The following ZBTB3 variants were observed in gnomAD, a reference collection of about 807,000 sequenced individuals.
ZBTB3 encodes the protein zinc finger and BTB domain-containing protein 3.
Under a neutral mutation model 30.6 loss-of-function variants are expected in ZBTB3, and 15 were observed. That is an observed-to-expected ratio of 0.49 (90% CI 0.33 to 0.75). The LOEUF is 0.75. Among genes scored for constraint, ZBTB3 ranks in the 30% least tolerant of loss-of-function variants. The pLI is 0.02. For missense variants in ZBTB3, 599 were observed against 652.1 expected (o/e 0.92, Z 0.89); for synonymous variants, 258 against 261.7 (o/e 0.99, Z 0.14).
chr11:62,754,131 C>T lies in ZBTB3; in HGVS notation c.-219G>A, dbSNP rs893574057. 2 of 1,500,030 alleles carry T rather than the reference C, an allele frequency of 1.3e-6. No individual in the cohort carries two copies. The highest frequency in any genetic ancestry group is 1.4e-5 in the African/African-American group (1 of 72,732). 92.9% of individuals were successfully genotyped at this position (1,500,030 alleles called of 1,614,324 possible). On this transcript the variant is annotated 5_prime_UTR_variant, in exon 1 of 2. Transcript: ENST00000394807. ...CTAGCGGAGAAAGCTGATACCTCAC[C>T]CACCACCGAGCAGCCACAGGGCGAG...
chr11:62,753,608 G>T lies in ZBTB3; in HGVS notation c.57C>A (p.Ser19=), dbSNP rs1024704009. The change falls in exon 2 of 2, where the codon TCC becomes TCA. Residue 19 remains serine (S), a synonymous_variant. Transcript: ENST00000394807. ...CGGTGCAGTCACAAAGGAAACCCTG[G>T]GACCGCTGCTCCCGGAGGCTCTGCA... ...QLLQSLREQR[S]QGFLCDCTVM... 3 of 1,613,752 alleles carry T rather than the reference G, an allele frequency of 1.9e-6. No homozygotes were observed. Among genetic ancestry groups the T allele is most frequent in the South Asian group, 2.2e-5 (2 of 91,072 alleles).
rs2084015909 is a variant in ZBTB3 at position 62,751,933 on chromosome 11, T to C, written c.*157A>G. 2.8e-6 allele frequency: 2 copies of C among 705,692 alleles called. No individual in the cohort carries two copies. Among genetic ancestry groups the C allele is most frequent in the Non-Finnish European group, 4.4e-6 (2 of 456,062 alleles). The allele number at this position is 705,692 out of a possible 1,614,324, so 43.7% of individuals were successfully genotyped here. On this transcript the variant is annotated 3_prime_UTR_variant, in exon 2 of 2. Transcript: ENST00000394807. The stretch of plus-strand genomic sequence containing the variant: ...CTGGGTGACAGAGTGAGACTCTGTC[T>C]CAAAAAAATAAAAGATTAAAAAAAA...
In ZBTB3 at chr11:62,753,627, C is replaced by G; in HGVS notation, c.38G>C (p.Ser13Thr). 1 of 1,613,796 alleles carries G rather than the reference C, an allele frequency of 6.2e-7. No homozygotes were observed. Among genetic ancestry groups the G allele is most frequent in the Non-Finnish European group, 8.5e-7 (1 of 1,179,964 alleles). ...FPEHSQQLLQ[S>T]LREQRSQGFL... The stretch of plus-strand genomic sequence containing the variant: ...ACCCTGGGACCGCTGCTCCCGGAGG[C>G]TCTGCAGCAGCTGCTGACTGTGTTC... The change falls in exon 2 of 2, where the codon AGC becomes ACC. Residue 13 changes from serine (S) to threonine (T), a missense_variant. Coordinates refer to ENST00000394807, the MANE Select transcript of ZBTB3 (RefSeq NM_001370809.1).
rs1272749154 is a variant in ZBTB3, at chr11:62,752,206, C to A, written c.1459G>T (p.Val487Leu). 6.2e-7 allele frequency: 1 copy of A among 1,614,086 alleles called. No individual in the cohort carries two copies. The highest frequency in any genetic ancestry group is 8.5e-7 in the Non-Finnish European group (1 of 1,180,042). Residue 487 changes from valine (V) to leucine (L), a missense_variant, in exon 2 of 2, where the codon GTG becomes TTG. By Grantham distance (32) the Val-to-Leu change is conservative. Coordinates refer to ENST00000394807, the MANE Select transcript of ZBTB3 (RefSeq NM_001370809.1). The part of the protein sequence containing the change: ...LAKRSKPDPE[V>L]GPLLGVQPLP... The stretch of plus-strand genomic sequence containing the variant: ...GGCTGCACCCCTAGAAGGGGTCCCA[C>A]TTCTGGATCTGGTTTGCTGCGTTTG...
chr11:62,751,917 AGAGT>A lies in ZBTB3; in HGVS notation c.*169_*172del, dbSNP rs1404057339. 8.4e-6 allele frequency: 5 copies of A among 592,588 alleles called. No homozygotes were observed. The East Asian group carries it at 1.5e-4, about 18-fold the overall frequency. 36.7% of individuals were successfully genotyped at this position (592,588 alleles called of 1,614,324 possible). On this transcript the variant is annotated 3_prime_UTR_variant, in exon 2 of 2. Transcript: ENST00000394807. ...GCCACTGCACTCCAGTCTGGGTGAC[AGAGT>A]GAGACTCTGTCTCAAAAAAATAAAA...
Position 62,752,111 on chromosome 11 carries a change from C to A in ZBTB3, c.1554G>T (p.Leu518Phe). Residue 518 changes from leucine to phenylalanine, a missense_variant, in exon 2 of 2, where the codon TTG becomes TTT. Leu to Phe is a conservative substitution (Grantham distance 22). Transcript: ENST00000394807. ...SGGGPPKDFV[L>F]APKTNI ...TCCCTTAGATGTTAGTTTTTGGGGCCAATACAAAATCTTTAGGTGGCCCTC... is the reference window on the plus strand; with the variant it reads ...TCCCTTAGATGTTAGTTTTTGGGGCAAATACAAAATCTTTAGGTGGCCCTC... 6.2e-7 allele frequency: 1 copy of A among 1,610,390 alleles called. No homozygotes were observed. The highest frequency in any genetic ancestry group is 8.5e-7 in the Non-Finnish European group (1 of 1,177,716).
chr11:62,753,634 G>T lies in ZBTB3; in HGVS notation c.31C>A (p.Leu11Met), dbSNP rs1369988320. The change falls in exon 2 of 2, where the codon CTG (leucine) becomes ATG (methionine). Residue 11 changes from leucine to methionine, a missense_variant. Leu to Met is a conservative substitution (Grantham distance 15, BLOSUM62 2). Transcript: ENST00000394807. ...GACCGCTGCTCCCGGAGGCTCTGCA[G>T]CAGCTGCTGACTGTGTTCTGGGAAC... The part of the protein sequence containing the change: MEFPEHSQQL[L>M]QSLREQRSQG... 3.7e-6 allele frequency: 6 copies of T among 1,613,606 alleles called. No homozygotes were observed.
chr11:62,753,978 C>A lies in ZBTB3; in HGVS notation c.-66G>T, dbSNP rs755086140. Reference sequence around the variant, plus strand: ...TTGATGCCCACCCGGTAGCGTCCAACGGCTCCACGAAGTAGAGATCTTTTT... The same window carrying A: ...TTGATGCCCACCCGGTAGCGTCCAAAGGCTCCACGAAGTAGAGATCTTTTT... On this transcript the variant is annotated 5_prime_UTR_variant, in exon 1 of 2. Coordinates refer to ENST00000394807, the MANE Select transcript of ZBTB3 (RefSeq NM_001370809.1). The A allele has an allele frequency of 5.0e-6, 8 of 1,613,704 alleles. No homozygotes were observed. Among genetic ancestry groups the A allele is most frequent in the Non-Finnish European group, 6.8e-6 (8 of 1,179,882 alleles).
chr11:62,753,932 C>G, intron 1 of ZBTB3, 32 bp downstream of exon 1: 1 of 1,612,624 alleles, frequency 6.2e-7, no homozygotes, highest in Admixed American at 1.7e-5. Flanking sequence ...AAGTCCCGCC[C>G]CTTAGCCACC....
At position 62,752,217 on chromosome 11, in the gene ZBTB3, G is replaced by C. The variant is rs772012598; in HGVS notation, c.1448C>G (p.Pro483Arg). The change falls in exon 2 of 2, where the codon CCA becomes CGA. Residue 483 changes from proline (P) to arginine (R), a missense_variant. Pro to Arg is a moderately radical substitution (Grantham distance 103). Transcript: ENST00000394807. ...HNEDLAKRSKPDPEVGPLLGV... is the reference protein window; with the variant it reads ...HNEDLAKRSKRDPEVGPLLGV... ...TAGAAGGGGTCCCACTTCTGGATCT[G>C]GTTTGCTGCGTTTGGCCAGGTCCTC... The C allele has an allele frequency of 6.2e-7, 1 of 1,614,228 alleles. No homozygotes were observed. The highest frequency in any genetic ancestry group is 1.7e-5 in the Admixed American group (1 of 60,024).
In ZBTB3 at chr11:62,753,025, C is replaced by T. The variant is rs1444976098; in HGVS notation, c.640G>A (p.Val214Met). The part of the protein sequence containing the change: ...APHLRAPHPP[V>M]ADVSLASPSS... ...GGGCTGGCAAGAGAGACATCAGCCA[C>T]TGGTGGATGAGGTGCCCGCAGATGT... The change falls in exon 2 of 2, where the codon GTG (valine) becomes ATG (methionine). Residue 214 changes from valine (V) to methionine (M), a missense_variant. By Grantham distance (21) the Val-to-Met change is conservative (BLOSUM62 1). Transcript: ENST00000394807. 4 of 1,614,180 alleles carry T rather than the reference C, an allele frequency of 2.5e-6. No individual in the cohort carries two copies. In the Admixed American group the frequency reaches 6.7e-5, roughly 27 times the overall value.
Position 62,753,682 on chromosome 11 carries a change from AGGGGGCCC to A in ZBTB3, c.-26_-19del, listed in dbSNP as rs1323912787. 1 of 1,605,738 alleles carries A rather than the reference AGGGGGCCC, an allele frequency of 6.2e-7. No homozygotes were observed. The highest frequency in any genetic ancestry group is 1.1e-5 in the South Asian group (1 of 90,836). ...AACTCCATAGTACCCCACGAAGGAA[AGGGGGCCC>A]AAAAAAGGTCCCCACCAGTGGCTCC... On this transcript the variant is annotated 5_prime_UTR_variant, in exon 2 of 2. Transcript: ENST00000394807.
At position 62,752,166 on chromosome 11, in the gene ZBTB3, G is replaced by A. The variant is rs1442225180; in HGVS notation, c.1499C>T (p.Pro500Leu). 6.2e-7 allele frequency: 1 copy of A among 1,614,074 alleles called. No individual in the cohort carries two copies. ...ACTGCTGCTCTGTCTGTCTGCTGTTGGGGAGCCAGGGAGAGGCTGCACCCC... is the reference window on the plus strand; with the variant it reads ...ACTGCTGCTCTGTCTGTCTGCTGTTAGGGAGCCAGGGAGAGGCTGCACCCC... ...LLGVQPLPGS[P>L]TADRQSSSGG... The change falls in exon 2 of 2, where the codon CCA (proline) becomes CTA (leucine). Residue 500 changes from proline (P) to leucine (L), a missense_variant. Transcript: ENST00000394807.
At position 62,752,828 on chromosome 11, in the gene ZBTB3, C is replaced by T. The variant is rs1357991590; in HGVS notation, c.837G>A (p.Thr279=). The T allele has an allele frequency of 6.8e-6, 11 of 1,613,840 alleles. No individual in the cohort carries two copies. The South Asian group carries it at 8.8e-5, about 13-fold the overall frequency. Residue 279 remains threonine, a synonymous_variant, in exon 2 of 2, where the codon ACG becomes ACA. Coordinates refer to ENST00000394807, the MANE Select transcript of ZBTB3 (RefSeq NM_001370809.1). ...GAGCTGAGACAGGGGCTGGGGCTGA[C>T]GTTGGGGCTGAGGCTGGGGGATAGA... The part of the protein sequence containing the change: ...QGFYPPASAP[T]SAPAPVSAPV...
Position 62,752,070 on chromosome 11 carries a change from T to C in ZBTB3, c.*20A>G, listed in dbSNP as rs1259799612. The C allele has an allele frequency of 4.4e-6, 7 of 1,575,696 alleles. No homozygotes were observed. Among genetic ancestry groups the C allele is most frequent in the African/African-American group, 1.3e-5 (1 of 74,314 alleles). The stretch of plus-strand genomic sequence containing the variant: ...CCATCTAAGGATGGTAAGAGCAGCC[T>C]AGCATCAGCTCATGCTCCCTTAGAT... On this transcript the variant is annotated 3_prime_UTR_variant, in exon 2 of 2. Transcript: ENST00000394807.
At position 62,753,128 on chromosome 11, in the gene ZBTB3, A is replaced by G; in HGVS notation, c.537T>C (p.Pro179=). 1 of 1,614,190 alleles carries G rather than the reference A, an allele frequency of 6.2e-7. No homozygotes were observed. Among genetic ancestry groups the G allele is most frequent in the Non-Finnish European group, 8.5e-7 (1 of 1,180,028 alleles). Residue 179 remains proline, a synonymous_variant, in exon 2 of 2, where the codon CCT becomes CCC. Coordinates refer to ENST00000394807, the MANE Select transcript of ZBTB3 (RefSeq NM_001370809.1). ...GEWKGSAAPS[P]TVRPPDEPPM... is the part of the protein sequence containing the mutation. Reference sequence around the variant, plus strand: ...GTGGCTCATCTGGAGGACGGACAGTAGGTGAGGGAGCAGCAGAGCCTTTCC... The same window carrying G: ...GTGGCTCATCTGGAGGACGGACAGTGGGTGAGGGAGCAGCAGAGCCTTTCC...
At position 62,754,083 on chromosome 11, in the gene ZBTB3, G is replaced by T. The variant is rs772850220; in HGVS notation, c.-171C>A. ...AGCATCTCCCTCACGCATTCCAGGG[G>T]CTAAGGACTACCAGGGTGGGAACTA... On this transcript the variant is annotated 5_prime_UTR_variant, in exon 1 of 2. Coordinates refer to ENST00000394807, the MANE Select transcript of ZBTB3 (RefSeq NM_001370809.1). 7 of 1,611,398 alleles carry T rather than the reference G, an allele frequency of 4.3e-6. No individual in the cohort carries two copies. The African/African-American group carries it at 9.4e-5, about 22-fold the overall frequency.
At position 62,751,052 on chromosome 11, in the gene ZBTB3, A is replaced by G. The variant is rs2084005325; in HGVS notation, c.*1038T>C. On this transcript the variant is annotated 3_prime_UTR_variant, in exon 2 of 2. Coordinates refer to ENST00000394807, the MANE Select transcript of ZBTB3 (RefSeq NM_001370809.1). ...TCAGGAAAATTCCCAGTGCCCTTGGAGAGAGCTGACATAGGCTTTGCCCCA... is the reference window on the plus strand; with the variant it reads ...TCAGGAAAATTCCCAGTGCCCTTGGGGAGAGCTGACATAGGCTTTGCCCCA... 1 of 152,538 alleles carries G rather than the reference A, an allele frequency of 6.6e-6. No homozygotes were observed. 9.4% of individuals were successfully genotyped at this position (152,538 alleles called of 1,614,324 possible). A position where few individuals can be genotyped will look rare whatever the true frequency, so the allele number is the denominator to read the frequency against.
chr11:62,752,328 C>A lies in ZBTB3; in HGVS notation c.1337G>T (p.Arg446Leu). 6.2e-7 allele frequency: 1 copy of A among 1,614,158 alleles called. No individual in the cohort carries two copies. Among genetic ancestry groups the A allele is most frequent in the Non-Finnish European group, 8.5e-7 (1 of 1,180,028 alleles). ...GTAGCGGCACTCATAGGGTCGCTCA[C>A]GTGTGTGCACCGTGGCATGTCGCCG... ...TLRRHATVHT[R>L]ERPYECRYCL... Residue 446 changes from arginine to leucine, a missense_variant, in exon 2 of 2, where the codon CGT (arginine) becomes CTT (leucine). By Grantham distance (102) the Arg-to-Leu change is moderately radical (BLOSUM62 -2). Coordinates refer to ENST00000394807, the MANE Select transcript of ZBTB3 (RefSeq NM_001370809.1).
Sources: gnomAD v4.1 joint callset for allele counts on GRCh38, gnomAD v4.1.1 for gene constraint, MANE v1.5 for transcripts, NCBI Gene and HGNC (gene_info 2026-07-23, HGNC 2026-07-21) for gene names.